CCDC7: variants seen among roughly 807,000 people sequenced by gnomAD.
The protein encoded by CCDC7 is coiled-coil domain containing 7.
CCDC7 carries 183 observed loss-of-function variants against 196.9 expected under a neutral mutation model. That is an observed-to-expected ratio of 0.93 (90% confidence interval 0.82 to 1.05). CCDC7 has a LOEUF of 1.05. Ranked by LOEUF, CCDC7 falls within the 50% of genes least tolerant of loss-of-function variation. The pLI, the probability that CCDC7 is intolerant of heterozygous loss-of-function variation, is 0.00. For synonymous variants in CCDC7, 525 were observed against 484.6 expected (o/e 1.08, Z -1.10); for missense variants, 1,540 against 1,482.2 (o/e 1.04, Z -0.64).
chr10:32,585,124 A>G (rs1032285167), intron 18 of CCDC7, among the ~76,000 whole-genome samples: 21 of 150,812 alleles, frequency 1.4e-4, no homozygotes, highest in African/African-American at 5.1e-4. Flanking sequence ...CCCAGGCTGT[A>G]GTGCAGTGGC....
chr10:32,460,564 G>A (rs773284119), intron 3 of CCDC7, among the ~76,000 whole-genome samples: 4 of 152,112 alleles, frequency 2.6e-5, no homozygotes, highest in Non-Finnish European at 5.9e-5. Flanking sequence ...GAGAACCCCG[G>A]AATCTTTCTT....
intron 5 of CCDC7, among the ~76,000 whole-genome samples, chr10:32,467,801 T>C (rs2037148144): frequency 6.6e-6 from 1 of 152,204 alleles, no homozygotes; most frequent in Non-Finnish European, 1.5e-5. Context: ...TCTTCGGCAC[T>C]TGGTTAACCA....
intron 24 of CCDC7, among the ~76,000 whole-genome samples, chr10:32,706,098 A>C (rs12244113): frequency 0.11 from 16,091 of 152,156 alleles, 1,100 homozygotes; most frequent in South Asian, 0.25. Context: ...ATGTAAAAGC[A>C]AAGAAATTAT....
intron 3 of CCDC7, 23 bp downstream of exon 4, chr10:32,456,357 C>G (rs1456775127): frequency 6.9e-7 from 1 of 1,450,558 alleles, no homozygotes; most frequent in African/African-American, 1.4e-5. Flanking sequence ...TATATACTGT[C>G]AAGTATAAAA....
chr10:32,721,682 C>G (rs537728879), intron 25 of CCDC7, among the ~76,000 whole-genome samples: 3 of 152,206 alleles, frequency 2.0e-5, no homozygotes, highest in African/African-American at 7.2e-5. Flanking sequence ...ATGCCCCTTT[C>G]TAGATCATAC....
At chr10:32,701,502 G>T (rs1198483860) in intron 24 of CCDC7, among the ~76,000 whole-genome samples, 2 of 152,128 alleles carry the variant, frequency 1.3e-5, no homozygotes, top group Non-Finnish European at 2.9e-5. Context: ...TGTCTGCCAG[G>T]CTTTGGTATC....
chr10:32,703,382 C>T (rs1415626212), intron 24 of CCDC7, among the ~76,000 whole-genome samples: 2 of 152,016 alleles, frequency 1.3e-5, no homozygotes, highest in East Asian at 1.9e-4. Context: ...GCCGAGAGAT[C>T]CGCTATTAGT....
chr10:32,630,661 T>C (rs1177911773), intron 18 of CCDC7, among the ~76,000 whole-genome samples: 1 of 152,186 alleles, frequency 6.6e-6, no homozygotes, highest in Admixed American at 6.6e-5. Context: ...CACTATAAAT[T>C]GGCCTAGTAG....
intron 13 of CCDC7, among the ~76,000 whole-genome samples, chr10:32,556,441 T>C (rs571645739): frequency 6.6e-5 from 10 of 152,288 alleles, no homozygotes; most frequent in African/African-American, 2.4e-4. Context: ...AACATAGAAA[T>C]TTTTATCATA....
At chr10:32,662,515 G>C (rs542163630) in intron 20 of CCDC7, among the ~76,000 whole-genome samples, 53 of 152,252 alleles carry the variant, frequency 3.5e-4, no homozygotes, top group African/African-American at 1.1e-3. Flanking sequence ...GGGGCTCTGT[G>C]TTGTGCCCCC....
intron 22 of CCDC7, 92 bp from the exon 24 acceptor site, chr10:32,688,961 A>T (rs1016587385): frequency 2.6e-6 from 2 of 768,472 alleles, no homozygotes; most frequent in Non-Finnish European, 4.4e-6. Context: ...AAAATGAGAG[A>T]AAATGCCACT....
intron 16 of CCDC7, among the ~76,000 whole-genome samples, chr10:32,577,341 C>T (rs1238332293): frequency 6.6e-6 from 1 of 152,034 alleles, no homozygotes; most frequent in Non-Finnish European, 1.5e-5. Flanking sequence ...CAGAGCGAGA[C>T]TCCATCTCAA....
At chr10:32,859,735 C>T (rs1242599010) in intron 41 of CCDC7, among the ~76,000 whole-genome samples, 4 of 152,102 alleles carry the variant, frequency 2.6e-5, no homozygotes, top group Non-Finnish European at 4.4e-5. Context: ...GGGAATATCA[C>T]CACCGATCCC....
intron 18 of CCDC7, among the ~76,000 whole-genome samples, chr10:32,628,739 T>C (rs2139392475): frequency 6.6e-6 from 1 of 152,252 alleles, no homozygotes; most frequent in Non-Finnish European, 1.5e-5. Flanking sequence ...GTTTTAATTT[T>C]CCTTTTAATT....
At chr10:32,464,126 C>T (rs991554417) in intron 5 of CCDC7, among the ~76,000 whole-genome samples, 16 of 152,188 alleles carry the variant, frequency 1.1e-4, no homozygotes, top group African/African-American at 3.6e-4. Context: ...CCTGGCTTCT[C>T]ACTTTCTTGA....
At chr10:32,878,853 C>G (rs1362640295), downstream of CCDC7, among the ~76,000 whole-genome samples, 1 of 152,068 alleles carries the variant, frequency 6.6e-6, no homozygotes. Context: ...AAAGACAAAT[C>G]TGAACTGCTG....
At chr10:32,555,355 C>T (rs1178090486) in intron 13 of CCDC7, among the ~76,000 whole-genome samples, 3 of 151,820 alleles carry the variant, frequency 2.0e-5, no homozygotes, top group Non-Finnish European at 4.4e-5. Context: ...AAGTGATTCT[C>T]CTGCCTCAGC....
intron 16 of CCDC7, chr10:32,574,327 A>G (rs1459395778): frequency 3.6e-6 from 2 of 549,158 alleles, no homozygotes; most frequent in Admixed American, 5.2e-5. Flanking sequence ...ATAATATAAT[A>G]TATTACATAT....
At chr10:32,708,679 T>C (rs2080249276) in intron 24 of CCDC7, among the ~76,000 whole-genome samples, 1 of 152,278 alleles carries the variant, frequency 6.6e-6, no homozygotes, top group South Asian at 2.1e-4. Flanking sequence ...CAGACACTTC[T>C]CAAAAGGAGA....
Sources: gnomAD v4.1 joint callset for allele counts (sites outside exome capture counted in the v4.1 genomes callset) on GRCh38, gnomAD v4.1.1 for gene constraint, MANE v1.5 for transcripts, NCBI Gene and HGNC (gene_info 2026-07-23, HGNC 2026-07-21) for gene names.